CDH26: variants seen among roughly 807,000 people sequenced by gnomAD.
CDH26 encodes the protein cadherin-like protein 26.
In CDH26, 83 loss-of-function variants were observed where a neutral mutation model predicts 90.3. The observed-to-expected ratio is 0.92, with a 90% CI of 0.77 to 1.10. The LOEUF is 1.10. CDH26 is among the 50% of genes least tolerant of loss of function. CDH26 has a pLI of 0.00. For synonymous variants in CDH26, 397 were observed against 396.3 expected, an observed-to-expected ratio of 1.00 and a Z score of -0.02; for missense variants, 1,013 against 1,037.6, an observed-to-expected ratio of 0.98 and a Z score of 0.33.
At chr20:60,009,302 A>G (rs551595229) in intron 17 of CDH26, among the ~76,000 whole-genome samples, 2 of 152,296 alleles carry the variant, frequency 1.3e-5, no homozygotes. Context: ...CTCATCTACA[A>G]AGGAGAGTTG....
downstream of CDH26, among the ~76,000 whole-genome samples, chr20:60,014,889 A>G (rs1438477426): frequency 6.6e-6 from 1 of 152,218 alleles, no homozygotes; most frequent in African/African-American, 2.4e-5. Flanking sequence ...TCTTCTCCAA[A>G]GTGCCTGTAC....
At chr20:59,967,882 T>G (rs1768526721) in intron 1 of CDH26, among the ~76,000 whole-genome samples, 1 of 116,386 alleles carries the variant, frequency 8.6e-6, no homozygotes, top group Non-Finnish European at 1.7e-5. Context: ...TCTTTCTTCC[T>G]TCCTTCCTTC....
chr20:59,987,332 C>A, intron 7 of CDH26, 121 bp from the exon 8 acceptor site: 2 of 811,318 alleles, frequency 2.5e-6, no homozygotes, highest in Non-Finnish European at 3.8e-6. Flanking sequence ...TGATGAGGAG[C>A]AACATTCTTT....
intron 7 of CDH26, among the ~76,000 whole-genome samples, chr20:60,026,136 T>C (rs987041356): frequency 6.6e-6 from 1 of 152,190 alleles, no homozygotes; most frequent in African/African-American, 2.4e-5. Flanking sequence ...TAACCCGCTC[T>C]GGGAAGTCTG....
intron 15 of CDH26, among the ~76,000 whole-genome samples, chr20:60,002,362 A>C (rs442081): frequency 1 from 151,784 of 151,786 alleles, 75,891 homozygotes; most frequent in Non-Finnish European, 1. Flanking sequence ...GACATGGAAC[A>C]CCCACCATGG....
At chr20:59,996,517 A>G in intron 12 of CDH26, 114 bp from the exon 13 acceptor site, 1 of 1,613,740 alleles carries the variant, frequency 6.2e-7, no homozygotes, top group Non-Finnish European at 8.5e-7. Context: ...ACTAAGACGC[A>G]ATTTGGCCTT....
chr20:59,982,774 G>A, intron 4 of CDH26, 149 bp from the exon 5 acceptor site: 1 of 834,008 alleles, frequency 1.2e-6, no homozygotes, highest in Non-Finnish European at 1.9e-6. Context: ...GGGGTACTTG[G>A]TAAATGAGGG....
chr20:59,984,911 G>T, intron 6 of CDH26, 90 bp from the exon 7 acceptor site: 2 of 1,564,158 alleles, frequency 1.3e-6, no homozygotes, highest in Non-Finnish European at 1.7e-6. Flanking sequence ...GGCTAGATTT[G>T]CTATTGAAAT....
chr20:59,962,806 C>G (rs938184294), intron 1 of CDH26, among the ~76,000 whole-genome samples: 1 of 152,084 alleles, frequency 6.6e-6, no homozygotes, highest in South Asian at 2.1e-4. Flanking sequence ...GTGAACTTGA[C>G]AGAACTTGGA....
intron 4 of CDH26, among the ~76,000 whole-genome samples, chr20:59,975,216 G>A (rs2061313754): frequency 6.6e-6 from 1 of 152,134 alleles, no homozygotes; most frequent in African/African-American, 2.4e-5. Context: ...TTAAAATGAG[G>A]TCATACTGGA....
intron 1 of CDH26, among the ~76,000 whole-genome samples, chr20:59,961,382 A>G (rs1438285777): frequency 6.6e-6 from 1 of 152,244 alleles, no homozygotes; most frequent in Non-Finnish European, 1.5e-5. Context: ...GGGAATCAAG[A>G]CAGATGAAGA....
At chr20:60,017,125 C>T (rs866843857), downstream of CDH26, among the ~76,000 whole-genome samples, 40 of 152,034 alleles carry the variant, frequency 2.6e-4, no homozygotes, top group Middle Eastern at 3.4e-3. Flanking sequence ...ATGCTGGCCT[C>T]ATAGAGTAAG....
chr20:59,996,567 C>G, intron 12 of CDH26, 64 bp from the exon 13 acceptor site: 1 of 1,614,204 alleles, frequency 6.2e-7, no homozygotes, highest in Non-Finnish European at 8.5e-7. Flanking sequence ...AGAACAAGAT[C>G]CTCATGAAAC....
chr20:60,021,383 T>A (rs1050474855), intron 7 of CDH26, among the ~76,000 whole-genome samples: 1 of 152,198 alleles, frequency 6.6e-6, no homozygotes, highest in Non-Finnish European at 1.5e-5. Flanking sequence ...CAGAGCTGAG[T>A]AATTGCAACA....
chr20:59,975,599 A>G (rs1049660925), intron 4 of CDH26, among the ~76,000 whole-genome samples: 2 of 152,238 alleles, frequency 1.3e-5, no homozygotes, highest in African/African-American at 4.8e-5. Flanking sequence ...GAGAAGGATT[A>G]CCAACAAGGA....
intron 16 of CDH26, among the ~76,000 whole-genome samples, chr20:60,004,074 C>G (rs138065825): frequency 0.017 from 2,534 of 152,286 alleles, 38 homozygotes; most frequent in Non-Finnish European, 0.027. Flanking sequence ...TGGGGCTAAA[C>G]AGACTGAGGG....
Position 59,983,052 on chromosome 20 carries a change from C to A in CDH26, c.523C>A (p.Gln175Lys). The change falls in exon 5 of 18, where the codon CAA becomes AAA. Residue 175 changes from glutamine (Q) to lysine (K), a missense_variant. Transcript: ENST00000348616. Reference sequence around the variant, plus strand: ...AGAGAAGGAATTTAACATCACTGTGCAAGAAAACCAATCTGCAGGTGTGTG... The same window carrying A: ...AGAGAAGGAATTTAACATCACTGTGAAAGAAAACCAATCTGCAGGTGTGTG... ...FPEKEFNITVQENQSAGQPIF... is the reference protein window; with the variant it reads ...FPEKEFNITVKENQSAGQPIF... 1 of 1,613,944 alleles carries A rather than the reference C, an allele frequency of 6.2e-7. No individual in the cohort carries two copies. The highest frequency in any genetic ancestry group is 8.5e-7 in the Non-Finnish European group (1 of 1,179,948).
At chr20:59,982,503 A>G (rs1271984499) in intron 4 of CDH26, among the ~76,000 whole-genome samples, 1 of 152,200 alleles carries the variant, frequency 6.6e-6, no homozygotes, top group Non-Finnish European at 1.5e-5. Flanking sequence ...TAGTTACTAT[A>G]AATGTTCACT....
chr20:59,965,754 G>A (rs2061140524), intron 1 of CDH26, among the ~76,000 whole-genome samples: 1 of 152,148 alleles, frequency 6.6e-6, no homozygotes. Flanking sequence ...TCAATACACT[G>A]TAATGTCTTA....
Sources: allele counts gnomAD v4.1 joint callset (sites outside exome capture counted in the v4.1 genomes callset), GRCh38; gene constraint gnomAD v4.1.1; transcripts MANE v1.5; gene names NCBI Gene and HGNC (gene_info 2026-07-23, HGNC 2026-07-21).